The following FRMD4A variants were observed in gnomAD, a reference collection of about 807,000 sequenced individuals.
FRMD4A encodes FERM domain-containing protein 4A.
Under a neutral mutation model 129.1 loss-of-function variants are expected in FRMD4A, and 29 were observed. That is an observed-to-expected ratio of 0.22 (90% CI 0.17 to 0.31). The LOEUF (loss-of-function observed/expected upper bound fraction) is 0.31. Among genes scored for constraint, FRMD4A ranks in the 10% least tolerant of loss-of-function variants. The pLI, the probability that FRMD4A is intolerant of heterozygous loss-of-function variation, is 1.00. For synonymous variants in FRMD4A, 634 were observed against 571.6 expected (o/e 1.11, Z -1.56); for missense variants, 1,272 against 1,375.8 (o/e 0.92, Z 1.19).
At chr10:13,965,944 T>C (rs2095482847) in intron 2 of FRMD4A, among the ~76,000 whole-genome samples, 1 of 152,252 alleles carries the variant, frequency 6.6e-6, no homozygotes, top group Admixed American at 6.5e-5. Flanking sequence ...AATTTTGTGA[T>C]GTTTCTAATA....
chr10:14,021,420 G>A (rs1314500184), intron 2 of FRMD4A, among the ~76,000 whole-genome samples: 3 of 151,848 alleles, frequency 2.0e-5, no homozygotes, highest in Admixed American at 6.6e-5. Flanking sequence ...AGCTGGGCAT[G>A]GTGGCTTATA....
chr10:14,231,118 T>C (rs1439930380), intron 2 of FRMD4A, among the ~76,000 whole-genome samples: 1 of 152,224 alleles, frequency 6.6e-6, no homozygotes, highest in Non-Finnish European at 1.5e-5. Context: ...GAATGATTTA[T>C]ATTCCTTTGG....
intron 2 of FRMD4A, among the ~76,000 whole-genome samples, chr10:14,130,238 A>T (rs1187131724): frequency 6.6e-6 from 1 of 152,028 alleles, no homozygotes; most frequent in Non-Finnish European, 1.5e-5. Flanking sequence ...ATTCTTTTTA[A>T]ATTTTTTATT....
intron 2 of FRMD4A, among the ~76,000 whole-genome samples, chr10:13,980,771 C>T (rs934046288): frequency 6.6e-6 from 1 of 152,100 alleles, no homozygotes; most frequent in Non-Finnish European, 1.5e-5. Flanking sequence ...AAAAATTGTT[C>T]GTTATTTTAA....
chr10:14,022,645 A>G (rs951952116), intron 2 of FRMD4A, among the ~76,000 whole-genome samples: 1 of 152,136 alleles, frequency 6.6e-6, no homozygotes, highest in African/African-American at 2.4e-5. Flanking sequence ...AGAGATGATA[A>G]TGGATGGAAG....
At chr10:14,130,910 G>A (rs1031410282) in intron 2 of FRMD4A, among the ~76,000 whole-genome samples, 6 of 152,210 alleles carry the variant, frequency 3.9e-5, no homozygotes, top group African/African-American at 1.4e-4. Flanking sequence ...TCCAAAGTGA[G>A]ATTCAAATTG....
At chr10:13,951,249 G>A (rs1415607621) in intron 2 of FRMD4A, among the ~76,000 whole-genome samples, 2 of 152,126 alleles carry the variant, frequency 1.3e-5, no homozygotes, top group African/African-American at 4.8e-5. Flanking sequence ...GGTTATGAGG[G>A]CATATGGAGT....
intron 2 of FRMD4A, among the ~76,000 whole-genome samples, chr10:13,928,923 T>C (rs2095164676): frequency 6.6e-6 from 1 of 152,220 alleles, no homozygotes; most frequent in African/African-American, 2.4e-5. Context: ...TAATGTCACA[T>C]GGAATTCTCA....
chr10:13,770,491 T>C (rs528378711), intron 6 of FRMD4A, among the ~76,000 whole-genome samples: 1 of 152,312 alleles, frequency 6.6e-6, no homozygotes, highest in East Asian at 1.9e-4. Flanking sequence ...TTGCCCAGGA[T>C]GGAGTGCAGT....
intron 2 of FRMD4A, among the ~76,000 whole-genome samples, chr10:13,981,096 CTGCT>C (rs1304677179): frequency 1.1e-4 from 17 of 152,168 alleles, no homozygotes; most frequent in African/African-American, 4.1e-4. Context: ...ATTTGGAGCT[CTGCT>C]TCTTGGAATA....
chr10:13,784,990 C>CAAA lies in FRMD4A; in HGVS notation c.300-1987_300-1985dup, dbSNP rs35375065. Among the ~76,000 whole-genome samples, 884 of 98,376 alleles carry CAAA rather than the reference C, an allele frequency of 9.0e-3. 20 individuals carry two copies. Among genetic ancestry groups the CAAA allele is most frequent in the African/African-American group, 0.03 (803 of 26,890 alleles). The allele number at this position is 98,376 out of a possible 152,430, so 64.5% of individuals were successfully genotyped here. ...TGAACAACAGAGGGAGACTCTATCT[C>CAAA]AAAAAAAAAAAAAAAAAAAGTATCT... is the stretch of plus-strand genomic sequence containing the variant. On this transcript the variant is annotated intron_variant, in intron 5 of 24. Coordinates refer to ENST00000357447, the MANE Select transcript of FRMD4A (RefSeq NM_018027.5).
intron 2 of FRMD4A, among the ~76,000 whole-genome samples, chr10:14,082,040 G>A (rs1835958023): frequency 6.6e-6 from 1 of 152,220 alleles, no homozygotes; most frequent in African/African-American, 2.4e-5. Context: ...CGAGGTCAGA[G>A]ATCGAGACCA....
intron 4 of FRMD4A, among the ~76,000 whole-genome samples, chr10:13,800,979 T>C (rs1048228538): frequency 1.3e-5 from 2 of 152,248 alleles, no homozygotes; most frequent in Admixed American, 1.3e-4. Flanking sequence ...CCAGGTACAG[T>C]GGCTCATGCC....
intron 15 of FRMD4A, among the ~76,000 whole-genome samples, chr10:13,676,742 G>T (rs199497786): frequency 6.6e-6 from 1 of 152,100 alleles, no homozygotes; most frequent in South Asian, 2.1e-4. Context: ...GATCTCCACC[G>T]CGAAAACTGT....
chr10:13,803,753 G>C (rs902707725), intron 4 of FRMD4A, among the ~76,000 whole-genome samples: 2 of 152,218 alleles, frequency 1.3e-5, no homozygotes, highest in Admixed American at 6.5e-5. Context: ...CAGTGGTTAA[G>C]AGCAGATGCT....
At chr10:13,790,935 AG>A (rs2092986824) in intron 5 of FRMD4A, among the ~76,000 whole-genome samples, 1 of 151,946 alleles carries the variant, frequency 6.6e-6, no homozygotes, top group Non-Finnish European at 1.5e-5. Flanking sequence ...AGAGAAAAAG[AG>A]AGGAAAGGCT....
chr10:14,295,768 A>G (rs1845988876), intron 2 of FRMD4A, among the ~76,000 whole-genome samples: 1 of 152,180 alleles, frequency 6.6e-6, no homozygotes, highest in South Asian at 2.1e-4. Flanking sequence ...TCACATCTTA[A>G]AGATATGTAC....
intron 2 of FRMD4A, among the ~76,000 whole-genome samples, chr10:14,010,870 A>G (rs2095679859): frequency 6.6e-6 from 1 of 151,840 alleles, no homozygotes; most frequent in Non-Finnish European, 1.5e-5. Context: ...ATGCATTCAT[A>G]CTCTCACAGT....
chr10:13,791,756 G>GT (rs1297717889), intron 5 of FRMD4A, among the ~76,000 whole-genome samples: 1 of 152,212 alleles, frequency 6.6e-6, no homozygotes, highest in East Asian at 1.9e-4. Context: ...AGGAGGAGCA[G>GT]TGAGCAGGCT....
Sources: gnomAD v4.1 joint callset for allele counts (sites outside exome capture counted in the v4.1 genomes callset) on GRCh38, gnomAD v4.1.1 for gene constraint, MANE v1.5 for transcripts, NCBI Gene and HGNC (gene_info 2026-07-23, HGNC 2026-07-21) for gene names.